NUP205: variants seen among roughly 807,000 people sequenced by gnomAD.
NUP205 encodes the protein nucleoporin 205.
A neutral mutation model predicts 253.8 loss-of-function variants in NUP205; 76 were observed. The observed-to-expected ratio is 0.30, with a 90% CI of 0.25 to 0.36. The LOEUF (loss-of-function observed/expected upper bound fraction) is 0.36, where lower values mean the gene tolerates loss of function less well. Among genes scored for constraint, NUP205 ranks in the 10% least tolerant of loss-of-function variants. The pLI is 1.00. For synonymous variants in NUP205, 832 were observed against 850.1 expected, an observed-to-expected ratio of 0.98 and a Z score of 0.37; for missense variants, 2,162 against 2,425.5, an observed-to-expected ratio of 0.89 and a Z score of 2.28.
intron 1 of NUP205, among the ~76,000 whole-genome samples, chr7:135,560,343 TAAAC>T (rs1231335469): frequency 5.3e-5 from 8 of 152,294 alleles, no homozygotes; most frequent in Non-Finnish European, 1.0e-4. Flanking sequence ...TTATAATTAT[TAAAC>T]AAATCATTGG....
intron 1 of NUP205, among the ~76,000 whole-genome samples, chr7:135,569,132 A>G (rs891954800): frequency 6.6e-6 from 1 of 152,158 alleles, no homozygotes; most frequent in Non-Finnish European, 1.5e-5. Flanking sequence ...GTGCAATGGC[A>G]CGATCTCGGC....
At position 135,576,418 on chromosome 7, in the gene NUP205, T is replaced by G; in HGVS notation, c.488+4T>G. ...AGACATGGACCCTAGAACTCAGGTCTTTTTACTTCTTGGGATTTCAGGGGT... is the reference window on the plus strand; with the variant it reads ...AGACATGGACCCTAGAACTCAGGTCGTTTTACTTCTTGGGATTTCAGGGGT... On this transcript the variant is annotated splice_donor_region_variant and intron_variant, in intron 4 of 42. Coordinates refer to ENST00000285968, the MANE Select transcript of NUP205 (RefSeq NM_015135.3). 6.2e-7 allele frequency: 1 copy of G among 1,602,512 alleles called. No individual in the cohort carries two copies. The highest frequency in any genetic ancestry group is 1.1e-5 in the South Asian group (1 of 88,166).
rs534643867 is a variant in NUP205, at chr7:135,567,939, G to C, written c.29-3166G>C. Among the ~76,000 whole-genome samples, 14 of 152,168 alleles carry C rather than the reference G, an allele frequency of 9.2e-5. No individual in the cohort carries two copies. In the East Asian group the frequency reaches 2.7e-3, roughly 30 times the overall value. On this transcript the variant is annotated intron_variant, in intron 1 of 42. Transcript: ENST00000285968. ...AAATGGTGAGTCTAAAATCAGTTTA[G>C]TAGGGGCCGGGCGCCGTGGCTCATG...
intron 1 of NUP205, among the ~76,000 whole-genome samples, chr7:135,567,164 A>ATG (rs1805800854): frequency 1.9e-5 from 2 of 105,322 alleles, no homozygotes; most frequent in African/African-American, 7.0e-5. Flanking sequence ...ATATATATAT[A>ATG]TATATATATA....
intron 31 of NUP205, among the ~76,000 whole-genome samples, chr7:135,623,623 T>C (rs576632085): frequency 1.3e-5 from 2 of 152,340 alleles, no homozygotes; most frequent in Non-Finnish European, 2.9e-5. Context: ...TTGTACAGTA[T>C]GGTGGCACAC....
intron 19 of NUP205, among the ~76,000 whole-genome samples, chr7:135,605,413 G>A (rs569752544): frequency 1.3e-5 from 2 of 152,250 alleles, no homozygotes; most frequent in South Asian, 4.1e-4. Context: ...TATTTTGTGT[G>A]TTATAGTCCC....
At chr7:135,627,550 A>G (rs1315499074) in intron 33 of NUP205, among the ~76,000 whole-genome samples, 2 of 152,208 alleles carry the variant, frequency 1.3e-5, no homozygotes, top group African/African-American at 4.8e-5. Context: ...ATTTTGGGTA[A>G]GTGGTACTCA....
At chr7:135,571,321 C>A in intron 2 of NUP205, 74 bp downstream of exon 2, 3 of 887,396 alleles carry the variant, frequency 3.4e-6, no homozygotes, top group Non-Finnish European at 4.4e-6. Context: ...AAACTCTTTT[C>A]TTTTTTTTTT....
chr7:135,598,339 A>G (rs751004275), intron 15 of NUP205, 132 bp downstream of exon 15: 24 of 821,738 alleles, frequency 2.9e-5, no homozygotes, highest in Middle Eastern at 3.3e-4. Flanking sequence ...TGAAATATCT[A>G]TGAAGTGGTC....
rs1271716223 is a variant in NUP205, at chr7:135,607,337, G to A, written c.3161G>A (p.Arg1054Gln). The A allele has an allele frequency of 5.6e-6, 9 of 1,613,876 alleles. No homozygotes were observed. Among genetic ancestry groups the A allele is most frequent in the African/African-American group, 5.3e-5 (4 of 74,930 alleles). Reference sequence around the variant, plus strand: ...GGGAGAACAGGCCCAGTGGCGGTGCGAGAATCTCCTCAGCTGGCTGAGCTA... The same window carrying A: ...GGGAGAACAGGCCCAGTGGCGGTGCAAGAATCTCCTCAGCTGGCTGAGCTA... ...TEGRTGPVAV[R>Q]ESPQLAELCY... Residue 1054 changes from arginine (R) to glutamine (Q), a missense_variant, in exon 22 of 43, where the codon CGA becomes CAA. Arg to Gln is a conservative substitution (Grantham distance 43). Transcript: ENST00000285968.
At position 135,570,756 on chromosome 7, in the gene NUP205, T is replaced by TTATATATTATATTAA. The variant is rs1554456490; in HGVS notation, c.29-339_29-325dup. Among the ~76,000 whole-genome samples, 35 of 72,910 alleles carry TTATATATTATATTAA rather than the reference T, an allele frequency of 4.8e-4. 2 individuals carry two copies. The highest frequency in any genetic ancestry group is 0.019 in the Middle Eastern group (2 of 108). 47.8% of individuals were successfully genotyped at this position (72,910 alleles called of 152,430 possible). ...TATTATATTAATATATTAATTATATTTATATATTATATTAATATATATTAA... is the reference window on the plus strand; with the variant it reads ...TATTATATTAATATATTAATTATATTTATATATTATATTAATATATATTATATTAATATATATTAA... On this transcript the variant is annotated intron_variant, in intron 1 of 42. Coordinates refer to ENST00000285968, the MANE Select transcript of NUP205 (RefSeq NM_015135.3).
intron 6 of NUP205, 30 bp from the exon 7 acceptor site, chr7:135,578,721 C>G (rs372096216): frequency 6.6e-7 from 1 of 1,512,408 alleles, no homozygotes; most frequent in Non-Finnish European, 9.0e-7. Flanking sequence ...ATCTGGTGAT[C>G]GGTAAAGTGG....
chr7:135,648,254 A>T, intron 42 of NUP205, 150 bp from the exon 43 acceptor site: 1 of 602,026 alleles, frequency 1.7e-6, no homozygotes, highest in Non-Finnish European at 2.6e-6. Flanking sequence ...ATGTTTAGTT[A>T]ATTTAGTAAC....
intron 40 of NUP205, 67 bp downstream of exon 40, chr7:135,645,085 A>C (rs570589241): frequency 2.5e-6 from 4 of 1,569,440 alleles, no homozygotes; most frequent in Non-Finnish European, 3.5e-6. Context: ...ACTTATTCTC[A>C]TATTATTTGG....
rs141632326 is a variant in NUP205 at position 135,587,860 on chromosome 7, C to T, written c.1341C>T (p.Gly447=). 2.0e-5 allele frequency: 33 copies of T among 1,610,872 alleles called. No homozygotes were observed. The highest frequency in any genetic ancestry group is 2.0e-4 in the East Asian group (9 of 44,862). Residue 447 remains glycine, a synonymous_variant, in exon 10 of 43, where the codon GGC becomes GGT. Transcript: ENST00000285968. ...RDLEHLMLLI[G]ELYKKNPFHL... ...TCTTTGCTTACTCTTTGCAGATTGG[C>T]GAGCTATATAAAAAGAACCCTTTTC... is the stretch of plus-strand genomic sequence containing the variant.
At chr7:135,643,082 G>T in intron 38 of NUP205, 110 bp from the exon 39 acceptor site, 1 of 1,019,074 alleles carries the variant, frequency 9.8e-7, no homozygotes, top group East Asian at 2.4e-5. Context: ...TTTAATGACA[G>T]GTTACATGTC....
At chr7:135,639,925 G>A (rs1794887798) in intron 38 of NUP205, among the ~76,000 whole-genome samples, 1 of 152,126 alleles carries the variant, frequency 6.6e-6, no homozygotes, top group Admixed American at 6.5e-5. Context: ...GGATGAGGCT[G>A]GAAGCCATCA....
chr7:135,569,792 A>G (rs570099512), intron 1 of NUP205, among the ~76,000 whole-genome samples: 129 of 152,078 alleles, frequency 8.5e-4, no homozygotes, highest in African/African-American at 2.8e-3. Context: ...CTGTATTTCT[A>G]TGCTGTTTTA....
Position 135,606,756 on chromosome 7 carries a change from G to A in NUP205, c.2911G>A (p.Glu971Lys), listed in dbSNP as rs1794093620. ...EEFVRLEEGSELEKKLVAIRH... is the reference protein window; with the variant it reads ...EEFVRLEEGSKLEKKLVAIRH... The stretch of plus-strand genomic sequence containing the variant: ...TTTGTGATTTCTGCATTAAGGATCA[G>A]AACTTGAAAAGAAATTAGTTGCAAT... The change falls in exon 21 of 43, where the codon GAA becomes AAA. Residue 971 changes from glutamate to lysine, a missense_variant. Transcript: ENST00000285968. The A allele has an allele frequency of 1.7e-5, 28 of 1,613,250 alleles. No homozygotes were observed. The highest frequency in any genetic ancestry group is 2.3e-5 in the Non-Finnish European group (27 of 1,179,394).
Sources: allele counts gnomAD v4.1 joint callset (sites outside exome capture counted in the v4.1 genomes callset), GRCh38; gene constraint gnomAD v4.1.1; transcripts MANE v1.5; gene names NCBI Gene and HGNC (gene_info 2026-07-23, HGNC 2026-07-21).